GALNTL6: variants seen among roughly 807,000 people sequenced by gnomAD.
The protein encoded by GALNTL6 is polypeptide N-acetylgalactosaminyltransferase like 6, also known as polypeptide N-acetylgalactosaminyltransferase-like 6.
A neutral mutation model predicts 73.7 loss-of-function variants in GALNTL6; 46 were observed. That is an observed-to-expected ratio of 0.62 (90% CI 0.49 to 0.80). The LOEUF is 0.80. GALNTL6 is among the 30% of genes least tolerant of loss of function. GALNTL6 has a pLI of 0.00. For missense variants in GALNTL6, 604 were observed against 755.0 expected, an observed-to-expected ratio of 0.80 and a Z score of 2.34; for synonymous variants, 259 against 263.7, an observed-to-expected ratio of 0.98 and a Z score of 0.17.
At chr4:172,638,475 C>T (rs1030133551) in intron 5 of GALNTL6, among the ~76,000 whole-genome samples, 1 of 152,100 alleles carries the variant, frequency 6.6e-6, no homozygotes, top group African/African-American at 2.4e-5. Context: ...GCATCCCACT[C>T]TCTGACCACC....
At chr4:172,120,666 C>T (rs930322023) in intron 2 of GALNTL6, among the ~76,000 whole-genome samples, 2 of 150,838 alleles carry the variant, frequency 1.3e-5, no homozygotes, top group African/African-American at 2.4e-5. Flanking sequence ...AAAATAAAGT[C>T]GGGGGGTGGG....
At chr4:172,834,526 G>A (rs1019715217) in intron 7 of GALNTL6, among the ~76,000 whole-genome samples, 9 of 152,226 alleles carry the variant, frequency 5.9e-5, no homozygotes, top group East Asian at 1.9e-4. Context: ...GACTGTGCCC[G>A]AGAGAACTGC....
chr4:172,646,506 GA>G (rs1441620139), intron 5 of GALNTL6, among the ~76,000 whole-genome samples: 1 of 151,844 alleles, frequency 6.6e-6, no homozygotes, highest in East Asian at 1.9e-4. Flanking sequence ...CTACTATATG[GA>G]AATACAATTA....
At chr4:172,661,898 G>T (rs1289328083) in intron 5 of GALNTL6, among the ~76,000 whole-genome samples, 1 of 152,170 alleles carries the variant, frequency 6.6e-6, no homozygotes, top group Non-Finnish European at 1.5e-5. Flanking sequence ...ATGTCATGGA[G>T]CTCAGAATCT....
At chr4:172,881,341 A>C (rs995982977) in intron 7 of GALNTL6, among the ~76,000 whole-genome samples, 2 of 152,180 alleles carry the variant, frequency 1.3e-5, no homozygotes, top group Admixed American at 6.6e-5. Context: ...ACAAAACAAA[A>C]AATTACATGA....
At chr4:172,420,458 T>A (rs1055794253) in intron 5 of GALNTL6, among the ~76,000 whole-genome samples, 2 of 152,292 alleles carry the variant, frequency 1.3e-5, no homozygotes, top group South Asian at 4.1e-4. Context: ...AAGGGGAATG[T>A]GTTTTTTAAG....
At chr4:172,393,051 C>G (rs981005634) in intron 5 of GALNTL6, among the ~76,000 whole-genome samples, 3 of 152,100 alleles carry the variant, frequency 2.0e-5, no homozygotes, top group African/African-American at 7.2e-5. Flanking sequence ...GTTGAGCCGT[C>G]CTTATGAGAA....
chr4:171,980,803 G>C (rs1343506905), intron 2 of GALNTL6, among the ~76,000 whole-genome samples: 54 of 152,120 alleles, frequency 3.5e-4, no homozygotes, highest in Non-Finnish European at 5.9e-5. Flanking sequence ...ATGACACATA[G>C]ACCCACTCTG....
chr4:172,241,736 T>C (rs1387773589), intron 3 of GALNTL6, among the ~76,000 whole-genome samples: 1 of 152,182 alleles, frequency 6.6e-6, no homozygotes, highest in Non-Finnish European at 1.5e-5. Flanking sequence ...GATTTCTCCT[T>C]CTTATGAGTA....
At chr4:171,912,391 A>G (rs1490043326) in intron 2 of GALNTL6, among the ~76,000 whole-genome samples, 13 of 152,128 alleles carry the variant, frequency 8.5e-5, no homozygotes, top group Non-Finnish European at 1.5e-4. Flanking sequence ...ACTTGTATTC[A>G]TGTGTCATCA....
At chr4:171,961,511 G>A (rs1423825578) in intron 2 of GALNTL6, among the ~76,000 whole-genome samples, 5 of 152,090 alleles carry the variant, frequency 3.3e-5, no homozygotes, top group Non-Finnish European at 4.4e-5. Context: ...ACCCTACGTA[G>A]CAAATAATTA....
chr4:172,539,906 TAA>T (rs1310114498), intron 5 of GALNTL6, among the ~76,000 whole-genome samples: 12,133 of 109,324 alleles, frequency 0.11, 563 homozygotes, highest in African/African-American at 0.13. Flanking sequence ...TATATATATA[TAA>T]AAAATCTCAT....
chr4:172,474,453 T>C (rs1733163157), intron 5 of GALNTL6, among the ~76,000 whole-genome samples: 1 of 152,202 alleles, frequency 6.6e-6, no homozygotes, highest in Admixed American at 6.5e-5. Flanking sequence ...GTTCCCAAAC[T>C]GTTTTGCCCA....
chr4:172,167,515 G>A (rs979437822), intron 2 of GALNTL6, among the ~76,000 whole-genome samples: 1 of 152,212 alleles, frequency 6.6e-6, no homozygotes, highest in Non-Finnish European at 1.5e-5. Context: ...TAAAATCCAT[G>A]TAAATATGAA....
At chr4:172,730,821 C>T (rs906633383) in intron 5 of GALNTL6, among the ~76,000 whole-genome samples, 28 of 152,166 alleles carry the variant, frequency 1.8e-4, no homozygotes, top group African/African-American at 6.8e-4. Context: ...TGGCTCCTGC[C>T]TGTAATCCCA....
At chr4:172,496,744 T>C (rs1300126729) in intron 5 of GALNTL6, among the ~76,000 whole-genome samples, 1 of 152,170 alleles carries the variant, frequency 6.6e-6, no homozygotes, top group Non-Finnish European at 1.5e-5. Flanking sequence ...TAATTTAAAA[T>C]GGTAACAATG....
intron 10 of GALNTL6, among the ~76,000 whole-genome samples, chr4:172,953,641 C>T (rs2126351802): frequency 6.6e-6 from 1 of 152,294 alleles, no homozygotes; most frequent in South Asian, 2.1e-4. Flanking sequence ...GTCACAGGTG[C>T]ACTGCTTGTT....
chr4:172,557,352 A>G (rs1391612363), intron 5 of GALNTL6, among the ~76,000 whole-genome samples: 3 of 152,196 alleles, frequency 2.0e-5, no homozygotes, highest in South Asian at 2.1e-4. Context: ...TCTCTTAGAT[A>G]TGACACAGAA....
intron 3 of GALNTL6, among the ~76,000 whole-genome samples, chr4:172,305,997 A>G (rs780908789): frequency 9.8e-5 from 15 of 152,306 alleles, no homozygotes; most frequent in South Asian, 2.1e-4. Flanking sequence ...AAGTGACAGA[A>G]TCTAAAGGCT....
Sources: allele counts gnomAD v4.1 joint callset (sites outside exome capture counted in the v4.1 genomes callset), GRCh38; gene constraint gnomAD v4.1.1; transcripts MANE v1.5; gene names NCBI Gene and HGNC (gene_info 2026-07-23, HGNC 2026-07-21).